CSMD3: variants seen among roughly 807,000 people sequenced by gnomAD.
The protein encoded by CSMD3 is CUB and sushi domain-containing protein 3.
Under a neutral mutation model 435.2 loss-of-function variants are expected in CSMD3, and 177 were observed. The observed-to-expected ratio is 0.41, with a 90% CI of 0.36 to 0.46. The LOEUF is 0.46. Among genes scored for constraint, CSMD3 ranks in the 20% least tolerant of loss-of-function variants. The pLI is 0.34. For missense variants in CSMD3, 4,265 were observed against 4,504.6 expected (o/e 0.95, Z 1.52); for synonymous variants, 1,656 against 1,520.5 (o/e 1.09, Z -2.07).
intron 11 of CSMD3, among the ~76,000 whole-genome samples, chr8:112,853,351 T>C (rs868142100): frequency 6.6e-6 from 1 of 152,044 alleles, no homozygotes; most frequent in African/African-American, 2.4e-5. Context: ...TCAGCCTCCC[T>C]GGTAGCTGGG....
chr8:112,231,728 T>C (rs1262263195), intron 68 of CSMD3, 96 bp from the exon 69 acceptor site: 2 of 821,802 alleles, frequency 2.4e-6, no homozygotes, highest in Non-Finnish European at 4.2e-6. Flanking sequence ...GAAAGAAATA[T>C]TATCACAAGT....
rs181295330 is a variant in CSMD3, at chr8:113,111,467, A to G, written c.710-12504T>C. On this transcript the variant is annotated intron_variant, in intron 4 of 70. Coordinates refer to ENST00000297405, the MANE Select transcript of CSMD3 (RefSeq NM_198123.2). ...TATTCTAGTTTATCTGAAACTTTTT[A>G]CCTTTTAGCCAGTGACTATTCACTT... 8.5e-5 allele frequency among the ~76,000 whole-genome samples: 13 copies of G among 152,132 alleles called. No homozygotes were observed. In the East Asian group the frequency reaches 2.3e-3, roughly 27 times the overall value.
intron 13 of CSMD3, among the ~76,000 whole-genome samples, chr8:112,773,454 T>G (rs1226907218): frequency 6.6e-6 from 1 of 151,944 alleles, no homozygotes; most frequent in Non-Finnish European, 1.5e-5. Context: ...GAAAAAATAT[T>G]AAGAGCCTCC....
intron 2 of CSMD3, among the ~76,000 whole-genome samples, chr8:113,280,582 T>C (rs777162833): frequency 1.3e-5 from 2 of 151,942 alleles, no homozygotes; most frequent in Admixed American, 6.6e-5. Context: ...GAATGGTCTA[T>C]CCATTTTATC....
At chr8:112,741,964 G>A (rs1027646933) in intron 13 of CSMD3, among the ~76,000 whole-genome samples, 3 of 151,856 alleles carry the variant, frequency 2.0e-5, no homozygotes, top group African/African-American at 7.3e-5. Context: ...CAAAGAAAGA[G>A]CAATAGAATT....
chr8:112,225,024 G>C, intron 70 of CSMD3, 94 bp from the exon 71 acceptor site: 1 of 1,205,264 alleles, frequency 8.3e-7, no homozygotes, highest in Non-Finnish European at 1.2e-6. Context: ...AGCAGATAAT[G>C]TAACTTAAAA....
intron 41 of CSMD3, among the ~76,000 whole-genome samples, chr8:112,343,970 C>T (rs1321444783): frequency 6.6e-6 from 1 of 152,128 alleles, no homozygotes; most frequent in Non-Finnish European, 1.5e-5. Context: ...GCAGCCTCCG[C>T]CTCCTGGGTT....
At chr8:112,589,674 A>C (rs1831014431) in intron 22 of CSMD3, among the ~76,000 whole-genome samples, 1 of 152,174 alleles carries the variant, frequency 6.6e-6, no homozygotes, top group African/African-American at 2.4e-5. Context: ...AATATTCTTA[A>C]GATATGTTAA....
intron 38 of CSMD3, among the ~76,000 whole-genome samples, chr8:112,372,865 A>C (rs2131189567): frequency 6.6e-6 from 1 of 151,590 alleles, no homozygotes; most frequent in Non-Finnish European, 1.5e-5. Flanking sequence ...TAGAAAAAAA[A>C]AGATAAATAA....
chr8:112,860,786 A>G (rs557118887), intron 10 of CSMD3, among the ~76,000 whole-genome samples: 1 of 151,836 alleles, frequency 6.6e-6, no homozygotes, highest in South Asian at 2.1e-4. Flanking sequence ...CTACCATATT[A>G]TTTGTTCTTG....
chr8:112,363,519 C>T (rs1827463174), intron 38 of CSMD3, among the ~76,000 whole-genome samples: 2 of 151,870 alleles, frequency 1.3e-5, no homozygotes, highest in African/African-American at 4.8e-5. Flanking sequence ...CTATATGCAG[C>T]TAAAAGATTA....
At chr8:113,014,716 A>C (rs1303915299) in intron 6 of CSMD3, among the ~76,000 whole-genome samples, 3 of 152,146 alleles carry the variant, frequency 2.0e-5, no homozygotes, top group Non-Finnish European at 4.4e-5. Context: ...TTTCAGAGAC[A>C]TCTGATCTCA....
At position 112,379,279 on chromosome 8, in the gene CSMD3, G is replaced by A. The variant is rs140539090; in HGVS notation, c.6136+1073C>T. On this transcript the variant is annotated intron_variant, in intron 38 of 70. Transcript: ENST00000297405. ...GAGGTCAGGAGTTCGATACCAGCCT[G>A]ACCAACATGGTGAAACCCTGTCTCT... Among the ~76,000 whole-genome samples the A allele has an allele frequency of 6.6e-3, 999 of 152,248 alleles. 16 individuals carry two copies. Among genetic ancestry groups the A allele is most frequent in the African/African-American group, 0.023 (941 of 41,540 alleles).
intron 2 of CSMD3, among the ~76,000 whole-genome samples, chr8:113,306,043 C>G (rs1304432278): frequency 6.6e-6 from 1 of 152,052 alleles, no homozygotes; most frequent in Non-Finnish European, 1.5e-5. Context: ...CATAGTTGAA[C>G]CAACAGTAAG....
chr8:113,080,316 T>A (rs1221966508), intron 5 of CSMD3, among the ~76,000 whole-genome samples: 2 of 152,222 alleles, frequency 1.3e-5, no homozygotes, highest in African/African-American at 2.4e-5. Flanking sequence ...TTTATGCTTT[T>A]CACTACTTGA....
intron 13 of CSMD3, among the ~76,000 whole-genome samples, chr8:112,775,268 A>G (rs1645304594): frequency 6.6e-6 from 1 of 151,820 alleles, no homozygotes; most frequent in African/African-American, 2.4e-5. Flanking sequence ...GTTCATATCC[A>G]TGTCTACCTC....
intron 3 of CSMD3, among the ~76,000 whole-genome samples, chr8:113,277,029 A>C (rs2093576501): frequency 6.6e-6 from 1 of 152,054 alleles, no homozygotes; most frequent in Non-Finnish European, 1.5e-5. Context: ...CTCATAATTC[A>C]CAAGTACATT....
chr8:113,055,211 C>T (rs1241837895), intron 5 of CSMD3, among the ~76,000 whole-genome samples: 2 of 152,090 alleles, frequency 1.3e-5, no homozygotes, highest in Non-Finnish European at 2.9e-5. Context: ...AGTGCAGTGG[C>T]GTGATCTCGA....
intron 22 of CSMD3, among the ~76,000 whole-genome samples, chr8:112,602,364 G>A (rs779081781): frequency 1.3e-5 from 2 of 152,048 alleles, no homozygotes; most frequent in African/African-American, 2.4e-5. Flanking sequence ...TCAGGAGTCC[G>A]AGACCAGCCT....
Sources: gnomAD v4.1 joint callset for allele counts (sites outside exome capture counted in the v4.1 genomes callset) on GRCh38, gnomAD v4.1.1 for gene constraint, MANE v1.5 for transcripts, NCBI Gene and HGNC (gene_info 2026-07-23, HGNC 2026-07-21) for gene names.